Variants in ERBB4 observed in about 807,000 individuals in gnomAD.
The protein encoded by ERBB4 is receptor tyrosine-protein kinase erbB-4.
Under a neutral mutation model 158.0 loss-of-function variants are expected in ERBB4, and 42 were observed. That is an observed-to-expected ratio of 0.27 (90% CI 0.21 to 0.34). ERBB4 has a LOEUF of 0.34. Ranked by LOEUF, ERBB4 falls within the 10% of genes least tolerant of loss-of-function variation. The pLI, the probability that ERBB4 is intolerant of heterozygous loss-of-function variation, is 1.00. For synonymous variants in ERBB4, 583 were observed against 558.7 expected, an observed-to-expected ratio of 1.04 and a Z score of -0.61; for missense variants, 1,333 against 1,624.1, an observed-to-expected ratio of 0.82 and a Z score of 3.08.
intron 3 of ERBB4, among the ~76,000 whole-genome samples, chr2:211,810,130 T>A (rs1368801859): frequency 2.0e-5 from 3 of 152,194 alleles, no homozygotes; most frequent in Non-Finnish European, 4.4e-5. Context: ...AATTTTGGAA[T>A]AAGTGTGATG....
At chr2:211,655,530 TG>T (rs1559385841) in intron 16 of ERBB4, among the ~76,000 whole-genome samples, 1 of 152,332 alleles carries the variant, frequency 6.6e-6, no homozygotes, top group East Asian at 1.9e-4. Context: ...AGCCTGGCTC[TG>T]AACTCAGAAA....
At chr2:211,978,953 T>A (rs957001370) in intron 2 of ERBB4, among the ~76,000 whole-genome samples, 2 of 152,152 alleles carry the variant, frequency 1.3e-5, no homozygotes, top group Non-Finnish European at 2.9e-5. Context: ...ATACTTCTCT[T>A]GAAAGTCCAT....
At chr2:212,320,991 T>G (rs1330334907) in intron 1 of ERBB4, among the ~76,000 whole-genome samples, 2 of 150,234 alleles carry the variant, frequency 1.3e-5, no homozygotes, top group East Asian at 3.9e-4. Flanking sequence ...AACACAGATA[T>G]GAAAAGCAGA....
chr2:212,296,831 A>G (rs1325497937), intron 1 of ERBB4, among the ~76,000 whole-genome samples: 1 of 151,974 alleles, frequency 6.6e-6, no homozygotes, highest in Admixed American at 6.6e-5. Context: ...TCAACCTTAG[A>G]GACTAACCAC....
chr2:211,535,905 G>A (rs1277153896), intron 20 of ERBB4: 1 of 151,936 alleles, frequency 6.6e-6, no homozygotes, highest in Non-Finnish European at 1.5e-5. Flanking sequence ...ATGATATTGT[G>A]TGCATTTATA....
In ERBB4 at chr2:212,176,225, G is replaced by A. The variant is rs1162753065; in HGVS notation, c.83-51322C>T. On this transcript the variant is annotated intron_variant, in intron 1 of 27. Coordinates refer to ENST00000342788, the MANE Select transcript of ERBB4 (RefSeq NM_005235.3). ...AAACCTCTGTCCTCTAAAGATAGAA[G>A]CTGTTATAACCAAATGTTTATGTCC... Among the ~76,000 whole-genome samples the A allele has an allele frequency of 2.0e-5, 3 of 151,922 alleles. No homozygotes were observed. The East Asian group carries it at 5.8e-4, about 29-fold the overall frequency.
At chr2:211,776,480 C>A (rs2075879700) in intron 4 of ERBB4, among the ~76,000 whole-genome samples, 1 of 152,038 alleles carries the variant, frequency 6.6e-6, no homozygotes, top group Admixed American at 6.6e-5. Context: ...ATCTAGAGGG[C>A]ATTTTCACTG....
chr2:211,427,941 GAA>G (rs34071141), intron 22 of ERBB4, among the ~76,000 whole-genome samples: 38,909 of 137,664 alleles, frequency 0.28, 5,815 homozygotes, highest in South Asian at 0.54. Context: ...AATAAACCAG[GAA>G]AAAAAAAAAA....
Position 211,822,146 on chromosome 2 carries a change from G to T in ERBB4, c.422-33987C>A, listed in dbSNP as rs369861211. 1.6e-4 allele frequency among the ~76,000 whole-genome samples: 25 copies of T among 151,962 alleles called. 1 individual carries two copies. Among genetic ancestry groups the T allele is most frequent in the African/African-American group, 6.0e-4 (25 of 41,524 alleles). On this transcript the variant is annotated intron_variant, in intron 3 of 27. Transcript: ENST00000342788. ...AAAAGAAGATATTAGAGGTTGGGAA[G>T]GGTAGGGGAAAGAGAGGGATGAGGA...
At chr2:212,271,238 T>C (rs1217754631) in intron 1 of ERBB4, among the ~76,000 whole-genome samples, 2 of 151,732 alleles carry the variant, frequency 1.3e-5, no homozygotes, top group Non-Finnish European at 2.9e-5. Flanking sequence ...CAAGTAAATA[T>C]TTGTTAAAGA....
chr2:211,657,878 T>C (rs1553604503), intron 15 of ERBB4, 50 bp from the exon 16 acceptor site: 33 of 1,600,930 alleles, frequency 2.1e-5, no homozygotes, highest in Non-Finnish European at 2.6e-5. Flanking sequence ...CACAGTGACA[T>C]GCACACACAT....
chr2:211,738,374 T>A (rs71422753), intron 5 of ERBB4, among the ~76,000 whole-genome samples: 1 of 148,022 alleles, frequency 6.8e-6, no homozygotes, highest in African/African-American at 2.5e-5. Flanking sequence ...TTTTTTTTTT[T>A]TTTTTTTTTT....
intron 2 of ERBB4, among the ~76,000 whole-genome samples, chr2:212,021,561 A>G (rs2076650039): frequency 2.0e-5 from 3 of 152,184 alleles, no homozygotes; most frequent in Non-Finnish European, 4.4e-5. Context: ...CCACTTATAC[A>G]AAAATTTACT....
At chr2:211,791,624 C>G (rs564522485) in intron 3 of ERBB4, among the ~76,000 whole-genome samples, 46 of 151,924 alleles carry the variant, frequency 3.0e-4, no homozygotes, top group African/African-American at 1.1e-3. Flanking sequence ...CAGATAGATT[C>G]TTGGTCATTG....
intron 1 of ERBB4, among the ~76,000 whole-genome samples, chr2:212,331,071 T>TATATACAC (rs147932949): frequency 8.3e-6 from 1 of 120,022 alleles, no homozygotes; most frequent in African/African-American, 2.8e-5. Context: ...TATATATATA[T>TATATACAC]ACACATATAT....
chr2:211,423,872 T>A (rs2063564268), intron 23 of ERBB4, among the ~76,000 whole-genome samples: 1 of 151,988 alleles, frequency 6.6e-6, no homozygotes, highest in Non-Finnish European at 1.5e-5. Flanking sequence ...TTAGTAATGT[T>A]AGTAATAACA....
chr2:211,976,576 C>A (rs558703350), intron 2 of ERBB4, among the ~76,000 whole-genome samples: 10 of 152,132 alleles, frequency 6.6e-5, no homozygotes, highest in Admixed American at 2.6e-4. Context: ...GAAATTTAAT[C>A]AAAATCAAAT....
Position 211,725,182 on chromosome 2 carries a change from A to G in ERBB4, c.635T>C (p.Val212Ala), listed in dbSNP as rs1452281284. ...ENHCQTLTRT[V>A]CAEQCDGRCY... is the part of the protein sequence containing the mutation. Reference sequence around the variant, plus strand: ...TCTGCCGTCACATTGTTCTGCACACACCGTCCTTGTCACTGCAGAAGACAG... The same window carrying G: ...TCTGCCGTCACATTGTTCTGCACACGCCGTCCTTGTCACTGCAGAAGACAG... The change falls in exon 6 of 28, where the codon GTG becomes GCG. Residue 212 changes from valine (V) to alanine (A), a missense_variant. Coordinates refer to ENST00000342788, the MANE Select transcript of ERBB4 (RefSeq NM_005235.3). The G allele has an allele frequency of 1.9e-6, 3 of 1,613,364 alleles. No homozygotes were observed. Among genetic ancestry groups the G allele is most frequent in the Non-Finnish European group, 2.5e-6 (3 of 1,179,486 alleles).
chr2:211,432,981 G>A (rs763268093), intron 20 of ERBB4, among the ~76,000 whole-genome samples: 2 of 152,146 alleles, frequency 1.3e-5, no homozygotes, highest in East Asian at 1.9e-4. Context: ...ATGCGTGAGA[G>A]GAGAGACTTC....
Sources: allele counts gnomAD v4.1 joint callset (sites outside exome capture counted in the v4.1 genomes callset), GRCh38; gene constraint gnomAD v4.1.1; transcripts MANE v1.5; gene names NCBI Gene and HGNC (gene_info 2026-07-23, HGNC 2026-07-21).